Variants in NEK4 observed in about 807,000 individuals in gnomAD.
NEK4 encodes NIMA related kinase 4.
A neutral mutation model predicts 98.4 loss-of-function variants in NEK4; 86 were observed. That is an observed-to-expected ratio of 0.87 (90% CI 0.73 to 1.05). The LOEUF (loss-of-function observed/expected upper bound fraction) is 1.05. NEK4 is among the 50% of genes least tolerant of loss of function. NEK4 has a pLI of 0.00. For missense variants in NEK4, 898 were observed against 950.3 expected (o/e 0.94, Z 0.72); for synonymous variants, 328 against 342.2 (o/e 0.96, Z 0.46).
chr3:52,738,256 A>C (rs372008201), intron 14 of NEK4, among the ~76,000 whole-genome samples: 4 of 152,086 alleles, frequency 2.6e-5, no homozygotes, highest in African/African-American at 9.6e-5. Context: ...ACAGGAATGC[A>C]CTACCATGTC....
intron 15 of NEK4, among the ~76,000 whole-genome samples, chr3:52,726,857 T>G (rs1346820296): frequency 6.6e-6 from 1 of 151,992 alleles, no homozygotes; most frequent in African/African-American, 2.4e-5. Flanking sequence ...TGAGCTGAGA[T>G]GGCGCCATTG....
At position 52,766,205 on chromosome 3, in the gene NEK4, C is replaced by T; in HGVS notation, c.531G>A (p.Leu177=). 6.2e-7 allele frequency: 1 copy of T among 1,614,140 alleles called. No homozygotes were observed. The highest frequency in any genetic ancestry group is 8.5e-7 in the Non-Finnish European group (1 of 1,180,002). The change falls in exon 3 of 16, where the codon TTG becomes TTA. Residue 177 remains leucine, a synonymous_variant. Transcript: ENST00000233027. ...TATAGTTGTAGGGTTTGTTTGAGAACAATTCAGGGCTCATGTAGTAGGGTG... is the reference window on the plus strand; with the variant it reads ...TATAGTTGTAGGGTTTGTTTGAGAATAATTCAGGGCTCATGTAGTAGGGTG... ...IGTPYYMSPE[L]FSNKPYNYKS...
chr3:52,760,986 G>A lies in NEK4; in HGVS notation c.822-50C>T, dbSNP rs766553785. On this transcript the variant is annotated intron_variant, in intron 5 of 15. Coordinates refer to ENST00000233027, the MANE Select transcript of NEK4 (RefSeq NM_003157.6). The stretch of plus-strand genomic sequence containing the variant: ...TTATTATCAATATACTGAAGATTAA[G>A]GGTTTTTAGGTATATGTGGGAGTGT... 4.0e-6 allele frequency: 5 copies of A among 1,239,402 alleles called. No individual in the cohort carries two copies. The African/African-American group carries it at 4.6e-5, about 11-fold the overall frequency. The allele number at this position is 1,239,402 out of a possible 1,614,324, so 76.8% of individuals were successfully genotyped here.
chr3:52,730,262 A>G (rs1483805920), intron 15 of NEK4, among the ~76,000 whole-genome samples: 1 of 152,214 alleles, frequency 6.6e-6, no homozygotes, highest in Non-Finnish European at 1.5e-5. Flanking sequence ...GAATAGACCC[A>G]TAACTAGTGT....
At position 52,768,557 on chromosome 3, in the gene NEK4, C is replaced by T; in HGVS notation, c.141G>A (p.Arg47=). Residue 47 remains arginine, a synonymous_variant, in exon 2 of 16, where the codon CGG becomes CGA. Transcript: ENST00000233027. Reference sequence around the variant, plus strand: ...GCTGGGCTTCCTGTTCAGCAGCTCGCCGCTCTCGGCTAGAGGCATTTCGGA... The same window carrying T: ...GCTGGGCTTCCTGTTCAGCAGCTCGTCGCTCTCGGCTAGAGGCATTTCGGA... ...LNLRNASSRE[R]RAAEQEAQLL... 6.2e-7 allele frequency: 1 copy of T among 1,614,200 alleles called. No individual in the cohort carries two copies. Among genetic ancestry groups the T allele is most frequent in the South Asian group, 1.1e-5 (1 of 91,084 alleles).
intron 15 of NEK4, among the ~76,000 whole-genome samples, chr3:52,720,666 AATCT>A (rs2097359273): frequency 6.6e-6 from 1 of 152,228 alleles, no homozygotes. Flanking sequence ...ATATCTAGCA[AATCT>A]ATCATTCAAA....
intron 6 of NEK4, chr3:52,754,450 G>A: frequency 1.7e-6 from 1 of 595,426 alleles, no homozygotes; most frequent in Non-Finnish European, 3.3e-6. Flanking sequence ...AGCTTTTTAA[G>A]AGTAAAGTGG....
At chr3:52,767,049 C>T (rs1191810326) in intron 2 of NEK4, among the ~76,000 whole-genome samples, 2 of 151,902 alleles carry the variant, frequency 1.3e-5, no homozygotes, top group East Asian at 1.9e-4. Context: ...TTTGGGAGGC[C>T]GAGGTGAGCG....
chr3:52,723,546 A>G (rs2097361958), intron 15 of NEK4, among the ~76,000 whole-genome samples: 1 of 152,188 alleles, frequency 6.6e-6, no homozygotes. Flanking sequence ...CCGGTCTGAA[A>G]AAAAGAAATT....
At chr3:52,762,880 C>CA (rs546388079) in intron 5 of NEK4, among the ~76,000 whole-genome samples, 40 of 149,010 alleles carry the variant, frequency 2.7e-4, no homozygotes, top group South Asian at 8.5e-4. Context: ...GACTCCATCT[C>CA]AAAAAAAAAC....
chr3:52,737,648 C>T lies in NEK4; in HGVS notation c.2371G>A (p.Gly791Arg). ...VLRTDVIRGL[G>R]VQLLEQVYDL... Reference sequence around the variant, plus strand: ...TACACCTGCTCTAAAAGCTGAACTCCCAGGCCACGAATTACATCAGTTCTC... The same window carrying T: ...TACACCTGCTCTAAAAGCTGAACTCTCAGGCCACGAATTACATCAGTTCTC... Residue 791 changes from glycine to arginine, a missense_variant, in exon 15 of 16, where the codon GGA becomes AGA. Physicochemically the swap from Gly to Arg is moderately radical, Grantham distance 125. Transcript: ENST00000233027. The T allele has an allele frequency of 6.2e-7, 1 of 1,613,924 alleles. No homozygotes were observed. Among genetic ancestry groups the T allele is most frequent in the Non-Finnish European group, 8.5e-7 (1 of 1,179,874 alleles).
rs142440026 is a variant in NEK4, at chr3:52,748,628, C to T, written c.1506+1064G>A. Among the ~76,000 whole-genome samples the T allele has an allele frequency of 2.0e-4, 31 of 152,300 alleles. No homozygotes were observed. In the East Asian group the frequency reaches 3.7e-3, roughly 18 times the overall value. On this transcript the variant is annotated intron_variant, in intron 8 of 15. Coordinates refer to ENST00000233027, the MANE Select transcript of NEK4 (RefSeq NM_003157.6). ...AAAGCACAATAAAAAGACCATTGAG[C>T]TTGGCATTAGATGCAGTCTTATGTG...
chr3:52,752,929 T>TACACACACACACACACACACACACAC (rs1215610708), intron 6 of NEK4, among the ~76,000 whole-genome samples: 3 of 49,744 alleles, frequency 6.0e-5, no homozygotes, highest in Non-Finnish European at 8.9e-5. Context: ...TATATATATA[T>TACACACACACACACACACACACACAC]ATATACACAC....
chr3:52,741,945 A>T (rs545165418), intron 12 of NEK4, among the ~76,000 whole-genome samples: 2 of 152,030 alleles, frequency 1.3e-5, no homozygotes, highest in South Asian at 4.1e-4. Flanking sequence ...ACGCCCAGCT[A>T]ATTTTTGTAT....
At chr3:52,717,968 A>AT (rs1403768240) in intron 15 of NEK4, among the ~76,000 whole-genome samples, 1 of 151,590 alleles carries the variant, frequency 6.6e-6, no homozygotes, top group Non-Finnish European at 1.5e-5. Flanking sequence ...TAATTTTTGT[A>AT]TTTTTAGTAG....
At chr3:52,743,927 G>A (rs1359077802) in intron 11 of NEK4, among the ~76,000 whole-genome samples, 1 of 152,152 alleles carries the variant, frequency 6.6e-6, no homozygotes, top group Non-Finnish European at 1.5e-5. Flanking sequence ...CTGAACAGTG[G>A]ACACTGGACA....
chr3:52,733,809 T>C, intron 15 of NEK4: 2 of 398,886 alleles, frequency 5.0e-6, no homozygotes, highest in South Asian at 3.9e-5. Context: ...AATTTACACC[T>C]TGCATGACAT....
chr3:52,767,079 T>A (rs1476028805), intron 2 of NEK4, among the ~76,000 whole-genome samples: 1 of 149,254 alleles, frequency 6.7e-6, no homozygotes. Context: ...AGGCCAGGAG[T>A]TCAAGACCAG....
At chr3:52,719,233 G>A (rs1056262301) in intron 15 of NEK4, among the ~76,000 whole-genome samples, 3 of 152,192 alleles carry the variant, frequency 2.0e-5, no homozygotes, top group African/African-American at 7.2e-5. Flanking sequence ...TTTAGATACA[G>A]CAGTAGAAAG....
Sources: gnomAD v4.1 joint callset for allele counts (sites outside exome capture counted in the v4.1 genomes callset) on GRCh38, gnomAD v4.1.1 for gene constraint, MANE v1.5 for transcripts, NCBI Gene and HGNC (gene_info 2026-07-23, HGNC 2026-07-21) for gene names.